FAM171A2: variants seen among roughly 807,000 people sequenced by gnomAD.
FAM171A2 encodes protein FAM171A2.
FAM171A2 carries 13 observed loss-of-function variants against 34.2 expected under a neutral mutation model. The ratio of observed to expected loss-of-function variants is 0.38; its 90% CI spans 0.25 to 0.60. FAM171A2 has a LOEUF of 0.60. Among genes scored for constraint, FAM171A2 ranks in the 20% least tolerant of loss-of-function variants. FAM171A2 has a pLI of 0.62. For missense variants in FAM171A2, 950 were observed against 1,180.7 expected, an observed-to-expected ratio of 0.80 and a Z score of 2.86; for synonymous variants, 475 against 561.2, an observed-to-expected ratio of 0.85 and a Z score of 2.17.
At chr17:44,359,717 C>G in intron 2 of FAM171A2, 46 bp from the exon 3 acceptor site, 1 of 1,422,702 alleles carries the variant, frequency 7.0e-7, no homozygotes, top group Non-Finnish European at 9.5e-7. Flanking sequence ...CCACCCCCTA[C>G]CCCCCAGCCA....
Position 44,354,668 on chromosome 17 carries a change from C to T in FAM171A2, c.1546G>A (p.Ala516Thr). ...QLARPPSLGQ[A>T]GQLIFCGSID... Reference sequence around the variant, plus strand: ...GAGCCGCAGAAGATGAGCTGCCCCGCCTGGCCCAGCGACGGCGGCCGCGCC... The same window carrying T: ...GAGCCGCAGAAGATGAGCTGCCCCGTCTGGCCCAGCGACGGCGGCCGCGCC... Residue 516 changes from alanine (A) to threonine (T), a missense_variant, in exon 8 of 8, where the codon GCG becomes ACG. Ala to Thr is a moderately conservative substitution (Grantham distance 58). Transcript: ENST00000293443. The surrounding 1 kb of genome is among the most constrained non-coding windows in gnomAD (Gnocchi z 5.8). The T allele has an allele frequency of 1.5e-6, 2 of 1,325,452 alleles. No homozygotes were observed. The highest frequency in any genetic ancestry group is 2.8e-4 in the Middle Eastern group (1 of 3,618). 82.1% of individuals were successfully genotyped at this position (1,325,452 alleles called of 1,614,324 possible). A position where few individuals can be genotyped will look rare whatever the true frequency, so the allele number is the denominator to read the frequency against.
Position 44,356,181 on chromosome 17 carries a change from G to C in FAM171A2, c.770C>G (p.Pro257Arg), listed in dbSNP as rs913748418. The C allele has an allele frequency of 6.5e-7, 1 of 1,547,084 alleles. No homozygotes were observed. The highest frequency in any genetic ancestry group is 8.7e-7 in the Non-Finnish European group (1 of 1,143,714). The change falls in exon 5 of 8, where the codon CCC becomes CGC. Residue 257 changes from proline (P) to arginine (R), a missense_variant. Around this residue, in one of 3 missense-constraint regions of FAM171A2, gnomAD observed 752 missense variants for 924.5 expected, o/e 0.81. Transcript: ENST00000293443. ...GTSIPAWRFD[P>R]KSGLWVRNGT... ...CCCCCTGAGGCACTTACCACTCTTGGGGTCAAATCTCCAGGCTGGAATGCT... is the reference window on the plus strand; with the variant it reads ...CCCCCTGAGGCACTTACCACTCTTGCGGTCAAATCTCCAGGCTGGAATGCT...
At position 44,354,437 on chromosome 17, in the gene FAM171A2, C is replaced by G. The variant is rs1416007663; in HGVS notation, c.1777G>C (p.Gly593Arg). Residue 593 changes from glycine to arginine, a missense_variant, in exon 8 of 8, where the codon GGG (glycine) becomes CGG (arginine). Gly to Arg is a moderately radical substitution (Grantham distance 125). Around this residue, in one of 3 missense-constraint regions of FAM171A2, gnomAD observed 752 missense variants for 924.5 expected, o/e 0.81. Transcript: ENST00000293443. This position sits in a 1 kb window ranked among gnomAD's most constrained non-coding sequence, Gnocchi z 5.8. ...CCGCCGCCCCCGCCGCCCTCGCCCCCCGGGCCCGAGTGGCCCGGCATCTGC... is the reference window on the plus strand; with the variant it reads ...CCGCCGCCCCCGCCGCCCTCGCCCCGCGGGCCCGAGTGGCCCGGCATCTGC... The part of the protein sequence containing the change: ...RPQMPGHSGP[G>R]GEGGGGGGEG... 1 of 1,119,082 alleles carries G rather than the reference C, an allele frequency of 8.9e-7. No homozygotes were observed. Among genetic ancestry groups the G allele is most frequent in the African/African-American group, 1.7e-5 (1 of 59,514 alleles). 69.3% of individuals were successfully genotyped at this position (1,119,082 alleles called of 1,614,324 possible). A position where few individuals can be genotyped will look rare whatever the true frequency, so the allele number is the denominator to read the frequency against.
At chr17:44,358,580 A>T (rs2048435057) in intron 3 of FAM171A2, among the ~76,000 whole-genome samples, 1 of 152,060 alleles carries the variant, frequency 6.6e-6, no homozygotes, top group Admixed American at 6.5e-5. Flanking sequence ...AATCCCAGCT[A>T]CTCAGGAGAC....
rs1365105384 is a variant in FAM171A2 at position 44,353,983 on chromosome 17, G to A, written c.2231C>T (p.Pro744Leu). 3.9e-6 allele frequency: 5 copies of A among 1,277,728 alleles called. No homozygotes were observed. The highest frequency in any genetic ancestry group is 4.9e-6 in the Non-Finnish European group (5 of 1,015,130). The allele number at this position is 1,277,728 out of a possible 1,614,324, so 79.1% of individuals were successfully genotyped here. ...CAGCGGCGTCAGCGAGTTGTCCTCC[G>A]GAGAGCAGAGGCCCGTGCGGCTCTC... is the stretch of plus-strand genomic sequence containing the variant. ...SSESRTGLCS[P>L]EDNSLTPLLD... is the part of the protein sequence containing the mutation. Residue 744 changes from proline (P) to leucine (L), a missense_variant, in exon 8 of 8, where the codon CCG (proline) becomes CTG (leucine). Around this residue, in one of 3 missense-constraint regions of FAM171A2, gnomAD observed 191 missense variants for 222.8 expected, o/e 0.86. Transcript: ENST00000293443.
rs1458246283 is a variant in FAM171A2 at position 44,356,323 on chromosome 17, G to A, written c.628C>T (p.Leu210=). Residue 210 remains leucine (L), a synonymous_variant, in exon 5 of 8, where the codon CTG becomes TTG. Coordinates refer to ENST00000293443, the MANE Select transcript of FAM171A2 (RefSeq NM_198475.3). The stretch of plus-strand genomic sequence containing the variant: ...AGCAGGTGCACGCTCACAGCAGTCA[G>A]GGGCATCAGCTCCAGCCAGGAGCCA... ...GNGSWLELMP[L]TAVSVHLLTG... is the part of the protein sequence containing the mutation. The A allele has an allele frequency of 4.5e-6, 7 of 1,548,266 alleles. No homozygotes were observed. Among genetic ancestry groups the A allele is most frequent in the African/African-American group, 1.4e-5 (1 of 72,994 alleles).
At chr17:44,359,526 C>T (rs1032447272) in intron 3 of FAM171A2, 53 bp downstream of exon 3, 7 of 1,463,012 alleles carry the variant, frequency 4.8e-6, no homozygotes, top group Non-Finnish European at 6.6e-6. Context: ...GAGGTCTCTA[C>T]ACCTAGGTCA....
intron 1 of FAM171A2, among the ~76,000 whole-genome samples, chr17:44,363,195 C>A (rs866910111): frequency 1.3e-5 from 2 of 152,108 alleles, no homozygotes; most frequent in Non-Finnish European, 2.9e-5. Context: ...GGCGCCCCCA[C>A]CCCGCCAGGG....
chr17:44,360,320 TG>T (rs1412147770), intron 1 of FAM171A2, among the ~76,000 whole-genome samples, 188 bp from the exon 2 acceptor site: 1 of 152,158 alleles, frequency 6.6e-6, no homozygotes, highest in Non-Finnish European at 1.5e-5. Context: ...ATGCCGGAGG[TG>T]GGACTATTCC....
At chr17:44,359,829 C>G (rs565981621) in intron 2 of FAM171A2, 76 bp downstream of exon 2, 7 of 1,452,832 alleles carry the variant, frequency 4.8e-6, no homozygotes, top group South Asian at 1.4e-5. Context: ...CCCTCCACCC[C>G]CAAGGAGACT....
chr17:44,358,860 C>G (rs1007878064), intron 3 of FAM171A2: 7 of 152,552 alleles, frequency 4.6e-5, no homozygotes, highest in Non-Finnish European at 7.3e-5. Flanking sequence ...ATGTCTCCCC[C>G]TGGCCTTCCT....
rs1172102955 is a variant in FAM171A2 at position 44,353,306 on chromosome 17, T to C, written c.*427A>G. 9 of 185,328 alleles carry C rather than the reference T, an allele frequency of 4.9e-5. No homozygotes were observed. Among genetic ancestry groups the C allele is most frequent in the African/African-American group, 7.1e-5 (3 of 42,286 alleles). 11.5% of individuals were successfully genotyped at this position (185,328 alleles called of 1,614,324 possible). ...AGAGCTGTCCCAGCCACCAGCCCTG[T>C]GACATCGTAGCCCAGAGATGGGCTA... On this transcript the variant is annotated 3_prime_UTR_variant, in exon 8 of 8. Coordinates refer to ENST00000293443, the MANE Select transcript of FAM171A2 (RefSeq NM_198475.3).
chr17:44,360,165 C>A, intron 1 of FAM171A2, 33 bp from the exon 2 acceptor site: 2 of 1,511,920 alleles, frequency 1.3e-6, no homozygotes, highest in South Asian at 1.2e-5. Flanking sequence ...GGAGTGAGGA[C>A]GAGGGAGGGG....
At position 44,355,017 on chromosome 17, in the gene FAM171A2, G is replaced by A. The variant is rs2048415264; in HGVS notation, c.1197C>T (p.His399=). 1 of 1,522,640 alleles carries A rather than the reference G, an allele frequency of 6.6e-7. No individual in the cohort carries two copies. Among genetic ancestry groups the A allele is most frequent in the Non-Finnish European group, 8.8e-7 (1 of 1,135,376 alleles). The allele number at this position is 1,522,640 out of a possible 1,614,324, so 94.3% of individuals were successfully genotyped here. Residue 399 remains histidine (H), a synonymous_variant, in exon 8 of 8, where the codon CAC becomes CAT. Transcript: ENST00000293443. The surrounding 1 kb of genome is among the most constrained non-coding windows in gnomAD (Gnocchi z 4.1). The part of the protein sequence containing the change: ...DPEAPPPGPL[H]SAFSSSRDLA... ...AGTCCCGGGAGCTGGAGAAGGCCGA[G>A]TGGAGGGGGCCTGGAGGCGGAGCCT...
chr17:44,353,691 CGGGCCCGCGCGGGA>C lies in FAM171A2; in HGVS notation c.*28_*41del. The C allele has an allele frequency of 8.0e-7, 1 of 1,257,298 alleles. No individual in the cohort carries two copies. 77.9% of individuals were successfully genotyped at this position (1,257,298 alleles called of 1,614,324 possible). A position where few individuals can be genotyped will look rare whatever the true frequency, so the allele number is the denominator to read the frequency against. The stretch of plus-strand genomic sequence containing the variant: ...GCCCCCGGGGCGCGCACCCTGGGTG[CGGGCCCGCGCGGGA>C]GGGGCGGTGCCAGGCCCTGCGCGGG... On this transcript the variant is annotated 3_prime_UTR_variant, in exon 8 of 8. Coordinates refer to ENST00000293443, the MANE Select transcript of FAM171A2 (RefSeq NM_198475.3).
At position 44,363,721 on chromosome 17, in the gene FAM171A2, G is replaced by A; in HGVS notation, c.-7C>T. On this transcript the variant is annotated 5_prime_UTR_variant, in exon 1 of 8. Transcript: ENST00000293443. ...GGCCACTCGCCGGCGGCATCGCGGG[G>A]CTAGGCCGGGCCCTAGCGGTCCATG... is the stretch of plus-strand genomic sequence containing the variant. 6 of 1,197,810 alleles carry A rather than the reference G, an allele frequency of 5.0e-6. No homozygotes were observed. Among genetic ancestry groups the A allele is most frequent in the Non-Finnish European group, 6.2e-6 (6 of 963,398 alleles). 74.2% of individuals were successfully genotyped at this position (1,197,810 alleles called of 1,614,324 possible).
chr17:44,357,758 T>TGTGTGTGTG (rs61464829), intron 3 of FAM171A2, among the ~76,000 whole-genome samples: 17 of 148,982 alleles, frequency 1.1e-4, no homozygotes, highest in South Asian at 2.1e-4. Flanking sequence ...TGTGTGTGTG[T>TGTGTGTGTG]TGGGGTGGAG....
chr17:44,363,776 C>T lies in FAM171A2; in HGVS notation c.-62G>A. The T allele has an allele frequency of 1.3e-6, 1 of 778,026 alleles. No homozygotes were observed. The allele number at this position is 778,026 out of a possible 1,614,324, so 48.2% of individuals were successfully genotyped here. On this transcript the variant is annotated 5_prime_UTR_variant, in exon 1 of 8. Coordinates refer to ENST00000293443, the MANE Select transcript of FAM171A2 (RefSeq NM_198475.3). ...CCGCCTGGTCCCGCTCGCCCGGCCC[C>T]GCGCAGCCCCAGCTCTGCGCCGCGC...
chr17:44,353,903 C>T lies in FAM171A2; in HGVS notation c.2311G>A (p.Gly771Ser), dbSNP rs1388484204. The change falls in exon 8 of 8, where the codon GGC (glycine) becomes AGC (serine). Residue 771 changes from glycine to serine, a missense_variant. Coordinates refer to ENST00000293443, the MANE Select transcript of FAM171A2 (RefSeq NM_198475.3). ...CGGGAGCTGTCCCCGCGGCTGCGGC[C>T]CCGCCCCCGGGGTACCGTGGCCGCC... Reference protein sequence around the residue: ...GRAATVPRGRGRSRGDSSRSS... With the variant: ...GRAATVPRGRSRSRGDSSRSS... The T allele has an allele frequency of 2.3e-6, 3 of 1,303,410 alleles. No homozygotes were observed. Among genetic ancestry groups the T allele is most frequent in the Non-Finnish European group, 2.9e-6 (3 of 1,031,956 alleles). 80.7% of individuals were successfully genotyped at this position (1,303,410 alleles called of 1,614,324 possible). A position where few individuals can be genotyped will look rare whatever the true frequency, so the allele number is the denominator to read the frequency against.
Sources: gnomAD v4.1 joint callset for allele counts (sites outside exome capture counted in the v4.1 genomes callset) on GRCh38, gnomAD v4.1.1 for gene constraint, gnomAD v4.1.1 regional missense constraint, Gnocchi (gnomAD v3.1) non-coding constraint, MANE v1.5 for transcripts, NCBI Gene and HGNC (gene_info 2026-07-23, HGNC 2026-07-21) for gene names.